TLL2: variants seen among roughly 807,000 people sequenced by gnomAD.
TLL2 encodes tolloid like 2.
TLL2 carries 106 observed loss-of-function variants against 123.0 expected under a neutral mutation model. The observed-to-expected ratio is 0.86, with a 90% CI of 0.74 to 1.01. The LOEUF (loss-of-function observed/expected upper bound fraction) is 1.01, where lower values mean the gene tolerates loss of function less well. Among genes scored for constraint, TLL2 ranks in the 50% least tolerant of loss-of-function variants. The probability of loss-of-function intolerance (pLI) is 0.00; values close to 1 mark genes in which losing one functional copy is unlikely to be tolerated. For missense variants in TLL2, 1,332 were observed against 1,336.7 expected, an observed-to-expected ratio of 1.00 and a Z score of 0.06; for synonymous variants, 494 against 516.8, an observed-to-expected ratio of 0.96 and a Z score of 0.60.
At chr10:96,404,204 T>G (rs952335149) in intron 10 of TLL2, among the ~76,000 whole-genome samples, 2 of 152,210 alleles carry the variant, frequency 1.3e-5, no homozygotes, top group Admixed American at 6.5e-5. Context: ...TTATTTCTTT[T>G]CTCAGTCTCT....
At chr10:96,500,140 C>A in intron 1 of TLL2, among the ~76,000 whole-genome samples, 1 of 88,044 alleles carries the variant, frequency 1.1e-5, no homozygotes, top group Non-Finnish European at 2.3e-5. Context: ...AAAAAAATCT[C>A]TACCAAAAAA....
chr10:96,369,215 C>A (rs1030881371), intron 20 of TLL2, among the ~76,000 whole-genome samples: 7 of 152,116 alleles, frequency 4.6e-5, no homozygotes, highest in Non-Finnish European at 8.8e-5. Context: ...CTGGCCAATG[C>A]GCAAACTCCC....
chr10:96,394,349 C>G (rs924845387), intron 13 of TLL2, among the ~76,000 whole-genome samples: 2 of 152,206 alleles, frequency 1.3e-5, no homozygotes, highest in Admixed American at 6.5e-5. Flanking sequence ...AGCCATGCTT[C>G]CCTCTTAGGG....
At chr10:96,409,957 G>A (rs1011756168) in intron 9 of TLL2, among the ~76,000 whole-genome samples, 1 of 152,194 alleles carries the variant, frequency 6.6e-6, no homozygotes, top group African/African-American at 2.4e-5. Flanking sequence ...GTGTCAACAG[G>A]GATGTTCTTT....
At chr10:96,400,327 C>A (rs1264052065) in intron 10 of TLL2, among the ~76,000 whole-genome samples, 1 of 133,422 alleles carries the variant, frequency 7.5e-6, no homozygotes, top group East Asian at 2.4e-4. Context: ...TCATCAGTAT[C>A]ACTTTCTTCA....
At chr10:96,422,420 A>T in intron 6 of TLL2, 129 bp downstream of exon 6, 1 of 1,113,580 alleles carries the variant, frequency 9.0e-7, no homozygotes, top group Non-Finnish European at 1.3e-6. Flanking sequence ...TGTACAACAG[A>T]GTCATTGCTC....
At chr10:96,485,680 C>T (rs1391189722) in intron 1 of TLL2, among the ~76,000 whole-genome samples, 1 of 152,146 alleles carries the variant, frequency 6.6e-6, no homozygotes, top group African/African-American at 2.4e-5. Context: ...CAATTTAAAG[C>T]TTTTCTTGGG....
intron 2 of TLL2, among the ~76,000 whole-genome samples, chr10:96,475,360 A>C (rs9663989): frequency 0.53 from 81,201 of 152,026 alleles, 21,872 homozygotes; most frequent in Middle Eastern, 0.66. Flanking sequence ...ATTGGCACAG[A>C]AAGACTCCAG....
intron 15 of TLL2, 103 bp downstream of exon 15, chr10:96,385,952 A>T: frequency 8.0e-7 from 1 of 1,257,404 alleles, no homozygotes. Flanking sequence ...CCAAAGCTTC[A>T]GTCAACACAA....
chr10:96,484,859 C>T (rs1313854583), intron 1 of TLL2, among the ~76,000 whole-genome samples: 3 of 152,210 alleles, frequency 2.0e-5, no homozygotes, highest in Non-Finnish European at 4.4e-5. Context: ...TCTCCCTGTT[C>T]TTGGCACATA....
At chr10:96,418,199 G>A (rs536534533) in intron 7 of TLL2, among the ~76,000 whole-genome samples, 107 of 152,188 alleles carry the variant, frequency 7.0e-4, no homozygotes, top group Middle Eastern at 3.4e-3. Flanking sequence ...ATGGTATTAT[G>A]AGCTAGCAAT....
At chr10:96,388,470 G>C (rs1238656075) in intron 13 of TLL2, among the ~76,000 whole-genome samples, 3 of 152,148 alleles carry the variant, frequency 2.0e-5, no homozygotes, top group Non-Finnish European at 2.9e-5. Flanking sequence ...AAGAAATTAA[G>C]AACATCTATG....
rs370720425 is a variant in TLL2, at chr10:96,379,078, C to T, written c.2209G>A (p.Ala737Thr). The T allele has an allele frequency of 8.9e-5, 143 of 1,614,122 alleles. No individual in the cohort carries two copies. Among genetic ancestry groups the T allele is most frequent in the Middle Eastern group, 1.6e-4 (1 of 6,062 alleles). ...AHFFSDKDEC[A>T]KDNGGCQHEC... Reference sequence around the variant, plus strand: ...TGCTGACACCCGCCGTTGTCCTTGGCACACTCGTCCTTATCTGGGGAGATC... The same window carrying T: ...TGCTGACACCCGCCGTTGTCCTTGGTACACTCGTCCTTATCTGGGGAGATC... Residue 737 changes from alanine (A) to threonine (T), a missense_variant, in exon 17 of 21, where the codon GCC becomes ACC. By Grantham distance (58) the Ala-to-Thr change is moderately conservative (BLOSUM62 0). Coordinates refer to ENST00000357947, the MANE Select transcript of TLL2 (RefSeq NM_012465.4).
At chr10:96,391,124 C>T (rs777472261) in intron 13 of TLL2, among the ~76,000 whole-genome samples, 29 of 152,178 alleles carry the variant, frequency 1.9e-4, no homozygotes, top group Admixed American at 8.5e-4. Context: ...CTCACCCACT[C>T]TTCTTCCAGA....
chr10:96,379,117 A>G, intron 16 of TLL2, 25 bp from the exon 17 acceptor site: 1 of 1,594,924 alleles, frequency 6.3e-7, no homozygotes, highest in Non-Finnish European at 8.6e-7. Context: ...GAACTCTTCT[A>G]AGAGGAACCG....
intron 3 of TLL2, among the ~76,000 whole-genome samples, chr10:96,444,159 A>T (rs1159662960): frequency 6.6e-6 from 1 of 152,224 alleles, no homozygotes; most frequent in African/African-American, 2.4e-5. Context: ...TGCTAGTAAG[A>T]ATATGGGAAA....
intron 2 of TLL2, among the ~76,000 whole-genome samples, chr10:96,468,268 T>C (rs1010679943): frequency 1.3e-5 from 2 of 152,162 alleles, no homozygotes; most frequent in African/African-American, 4.8e-5. Flanking sequence ...ATCTCTTCCA[T>C]TCTCAGAACT....
chr10:96,370,612 G>A (rs1846073105), intron 19 of TLL2, among the ~76,000 whole-genome samples: 1 of 152,212 alleles, frequency 6.6e-6, no homozygotes, highest in Admixed American at 6.5e-5. Context: ...ATGGAGACAT[G>A]GAGCCAATGG....
intron 4 of TLL2, among the ~76,000 whole-genome samples, chr10:96,430,243 T>G (rs1468966426): frequency 6.6e-6 from 1 of 152,136 alleles, no homozygotes; most frequent in Non-Finnish European, 1.5e-5. Context: ...CGCTCTGAGT[T>G]CATGAGAGAT....
Sources: gnomAD v4.1 joint callset for allele counts (sites outside exome capture counted in the v4.1 genomes callset) on GRCh38, gnomAD v4.1.1 for gene constraint, MANE v1.5 for transcripts, NCBI Gene and HGNC (gene_info 2026-07-23, HGNC 2026-07-21) for gene names.